The following DPP6 variants were observed in gnomAD, a reference collection of about 807,000 sequenced individuals.
DPP6 encodes the protein dipeptidyl peptidase like 6.
Under a neutral mutation model 122.6 loss-of-function variants are expected in DPP6, and 69 were observed. That is an observed-to-expected ratio of 0.56 (90% CI 0.46 to 0.69). The LOEUF (loss-of-function observed/expected upper bound fraction) is 0.69. Among genes scored for constraint, DPP6 ranks in the 30% least tolerant of loss-of-function variants. The pLI is 0.00. For synonymous variants in DPP6, 418 were observed against 433.1 expected (o/e 0.97, Z 0.43); for missense variants, 928 against 1,116.9 (o/e 0.83, Z 2.41).
intron 1 of DPP6, among the ~76,000 whole-genome samples, chr7:154,197,568 C>T (rs1300902620): frequency 6.6e-6 from 1 of 152,152 alleles, no homozygotes; most frequent in East Asian, 1.9e-4. Flanking sequence ...CATCCAGCGC[C>T]TTCCCTGAAA....
At chr7:154,150,617 G>A (rs1485363189) in intron 1 of DPP6, among the ~76,000 whole-genome samples, 1 of 152,350 alleles carries the variant, frequency 6.6e-6, no homozygotes, top group East Asian at 1.9e-4. Flanking sequence ...GCACGAGGGA[G>A]AAGAGAGAAT....
chr7:154,228,224 A>G (rs188541993), intron 1 of DPP6, among the ~76,000 whole-genome samples: 195 of 152,348 alleles, frequency 1.3e-3, no homozygotes, highest in African/African-American at 4.3e-3. Context: ...TTTTGTCCCT[A>G]TGAATGATGC....
At chr7:154,303,555 A>G (rs938095463) in intron 1 of DPP6, among the ~76,000 whole-genome samples, 4 of 152,126 alleles carry the variant, frequency 2.6e-5, no homozygotes, top group African/African-American at 7.2e-5. Context: ...GGTTCCTAGC[A>G]TCCCAGGAGG....
At chr7:154,119,164 A>T (rs1807234324) in intron 1 of DPP6, among the ~76,000 whole-genome samples, 1 of 152,106 alleles carries the variant, frequency 6.6e-6, no homozygotes, top group Non-Finnish European at 1.5e-5. Context: ...CCCTATATAC[A>T]TATGGTTCCG....
At chr7:154,871,572 C>T (rs1007280561) in intron 18 of DPP6, among the ~76,000 whole-genome samples, 2 of 152,244 alleles carry the variant, frequency 1.3e-5, no homozygotes, top group Admixed American at 6.5e-5. Flanking sequence ...TTTCCAAGGT[C>T]TGCCCTTGGG....
At chr7:154,468,449 G>A (rs186090988) in intron 2 of DPP6, among the ~76,000 whole-genome samples, 31 of 152,302 alleles carry the variant, frequency 2.0e-4, no homozygotes, top group Admixed American at 5.2e-4. Flanking sequence ...AAATGGCTAA[G>A]TTTTATGGTA....
intron 1 of DPP6, among the ~76,000 whole-genome samples, chr7:154,439,166 A>T (rs1819151598): frequency 6.6e-6 from 1 of 152,192 alleles, no homozygotes; most frequent in Non-Finnish European, 1.5e-5. Context: ...GATTTTTGAC[A>T]TTGAGAAGTG....
intron 16 of DPP6, among the ~76,000 whole-genome samples, chr7:154,830,151 G>A (rs965543946): frequency 6.6e-6 from 1 of 152,140 alleles, no homozygotes; most frequent in African/African-American, 2.4e-5. Flanking sequence ...CTATGCCTTT[G>A]AACACGTTTT....
At chr7:154,406,482 C>CGCAT (rs1452006020) in intron 1 of DPP6, among the ~76,000 whole-genome samples, 1 of 150,406 alleles carries the variant, frequency 6.6e-6, no homozygotes, top group East Asian at 1.9e-4. Flanking sequence ...CACGCATACA[C>CGCAT]ACACACACAT....
At chr7:154,776,265 T>C (rs1201045213) in intron 10 of DPP6, among the ~76,000 whole-genome samples, 2 of 130,768 alleles carry the variant, frequency 1.5e-5, no homozygotes, top group Non-Finnish European at 3.4e-5. Context: ...AGATAGATGA[T>C]TGATAGACAG....
chr7:154,429,938 G>C (rs146584507), intron 1 of DPP6, among the ~76,000 whole-genome samples: 1 of 152,290 alleles, frequency 6.6e-6, no homozygotes, highest in Non-Finnish European at 1.5e-5. Flanking sequence ...TCCTGGCCTG[G>C]TGCTGTCTGG....
At chr7:154,228,814 C>G (rs931474821) in intron 1 of DPP6, among the ~76,000 whole-genome samples, 1 of 152,016 alleles carries the variant, frequency 6.6e-6, no homozygotes, top group African/African-American at 2.4e-5. Flanking sequence ...TTAGTCCATC[C>G]CTAAAGAACT....
At chr7:154,273,346 A>G (rs1461685198) in intron 1 of DPP6, among the ~76,000 whole-genome samples, 1 of 152,148 alleles carries the variant, frequency 6.6e-6, no homozygotes, top group African/African-American at 2.4e-5. Flanking sequence ...CACATCCCCT[A>G]AAGATCATGG....
At chr7:154,461,759 G>T (rs1821320107) in intron 2 of DPP6, among the ~76,000 whole-genome samples, 2 of 152,200 alleles carry the variant, frequency 1.3e-5, no homozygotes, top group East Asian at 1.9e-4. Flanking sequence ...TATATATTCT[G>T]CTTGTTAATC....
intron 1 of DPP6, among the ~76,000 whole-genome samples, chr7:154,120,300 A>G (rs541495292): frequency 2.7e-5 from 4 of 148,552 alleles, no homozygotes; most frequent in African/African-American, 7.5e-5. Flanking sequence ...GCTGGAGTGC[A>G]GTGGTGTGAT....
At chr7:154,664,457 C>A (rs1838014260) in intron 6 of DPP6, among the ~76,000 whole-genome samples, 1 of 152,162 alleles carries the variant, frequency 6.6e-6, no homozygotes, top group Non-Finnish European at 1.5e-5. Context: ...GAGTTTAAGT[C>A]TTTCTGATGT....
intron 17 of DPP6, among the ~76,000 whole-genome samples, chr7:154,861,950 C>A (rs564975032): frequency 6.6e-6 from 1 of 152,262 alleles, no homozygotes; most frequent in South Asian, 2.1e-4. Context: ...AGCTATATGC[C>A]AAAACATTGT....
At chr7:154,197,684 G>A (rs1002654670) in intron 1 of DPP6, among the ~76,000 whole-genome samples, 1 of 152,204 alleles carries the variant, frequency 6.6e-6, no homozygotes, top group Non-Finnish European at 1.5e-5. Context: ...CAATAAGGTA[G>A]TATTGACATA....
intron 1 of DPP6, among the ~76,000 whole-genome samples, chr7:154,418,030 C>T (rs1817172225): frequency 6.6e-6 from 1 of 152,228 alleles, no homozygotes; most frequent in Non-Finnish European, 1.5e-5. Flanking sequence ...ATAATCCAAC[C>T]ATACTGGGAA....
Sources: allele counts gnomAD v4.1 joint callset (sites outside exome capture counted in the v4.1 genomes callset), GRCh38; gene constraint gnomAD v4.1.1; transcripts MANE v1.5; gene names NCBI Gene and HGNC (gene_info 2026-07-23, HGNC 2026-07-21).